The following MACROD2 variants were observed in gnomAD, a reference collection of about 807,000 sequenced individuals.
The protein encoded by MACROD2 is ADP-ribose glycohydrolase MACROD2.
MACROD2 carries 36 observed loss-of-function variants against 70.4 expected under a neutral mutation model. That is an observed-to-expected ratio of 0.51 (90% CI 0.39 to 0.68). MACROD2 has a LOEUF of 0.68. MACROD2 is among the 30% of genes least tolerant of loss of function. The probability of loss-of-function intolerance (pLI) is 0.00; values close to 1 mark genes in which losing one functional copy is unlikely to be tolerated. For synonymous variants in MACROD2, 172 were observed against 178.8 expected, an observed-to-expected ratio of 0.96 and a Z score of 0.30; for missense variants, 496 against 538.4, an observed-to-expected ratio of 0.92 and a Z score of 0.78.
chr20:15,743,647 C>T (rs935192879), intron 8 of MACROD2, among the ~76,000 whole-genome samples: 11 of 152,036 alleles, frequency 7.2e-5, no homozygotes, highest in African/African-American at 2.7e-4. Flanking sequence ...TCCCTCCAGG[C>T]CTCTACACAT....
intron 5 of MACROD2, among the ~76,000 whole-genome samples, chr20:14,990,346 T>C (rs2074890267): frequency 6.6e-6 from 1 of 152,028 alleles, no homozygotes; most frequent in Admixed American, 6.6e-5. Context: ...AGGGTAGTTA[T>C]TTTGGAAGTT....
At chr20:15,845,441 A>C (rs182899444) in intron 8 of MACROD2, among the ~76,000 whole-genome samples, 5 of 152,278 alleles carry the variant, frequency 3.3e-5, no homozygotes, top group Admixed American at 3.3e-4. Context: ...GGCAGGATGA[A>C]GATGTAGAAG....
At chr20:15,250,889 C>T (rs2077149995) in intron 6 of MACROD2, among the ~76,000 whole-genome samples, 1 of 152,170 alleles carries the variant, frequency 6.6e-6, no homozygotes, top group Non-Finnish European at 1.5e-5. Context: ...TATTGCCTAA[C>T]ATGTAGCAGG....
At chr20:14,951,590 G>A in intron 5 of MACROD2, among the ~76,000 whole-genome samples, 1 of 152,136 alleles carries the variant, frequency 6.6e-6, no homozygotes, top group Non-Finnish European at 1.5e-5. Context: ...AGGCACTGCT[G>A]TAGGACTCCG....
At chr20:15,805,457 A>G (rs2063760559) in intron 8 of MACROD2, among the ~76,000 whole-genome samples, 1 of 151,672 alleles carries the variant, frequency 6.6e-6, no homozygotes, top group Non-Finnish European at 1.5e-5. Context: ...AGAGGAGGTT[A>G]AAATGAAAAT....
At chr20:14,913,559 T>A (rs867199300) in intron 5 of MACROD2, among the ~76,000 whole-genome samples, 1 of 152,098 alleles carries the variant, frequency 6.6e-6, no homozygotes, top group African/African-American at 2.4e-5. Flanking sequence ...TGGTGACACA[T>A]GCCTGTAGTC....
At chr20:15,047,443 G>A (rs1162539374) in intron 5 of MACROD2, among the ~76,000 whole-genome samples, 2 of 152,000 alleles carry the variant, frequency 1.3e-5, no homozygotes, top group Admixed American at 6.5e-5. Flanking sequence ...GGACACTTAT[G>A]GAATTATATA....
intron 10 of MACROD2, among the ~76,000 whole-genome samples, chr20:15,925,698 G>C (rs1241034616): frequency 1.3e-5 from 2 of 152,186 alleles, no homozygotes. Context: ...GGAAGGCCCA[G>C]TGGCACCTAC....
chr20:15,846,914 TATATATATATATATATATATATATATATA>T (rs1297245655), intron 8 of MACROD2, among the ~76,000 whole-genome samples: 1,422 of 6,562 alleles, frequency 0.22, 45 homozygotes, highest in East Asian at 0.43. Flanking sequence ...AAAAAAATTA[TATATATATATATATATATATATATATATA>T]TATATATATG....
intron 5 of MACROD2, among the ~76,000 whole-genome samples, chr20:15,133,493 C>T (rs1458713485): frequency 6.6e-6 from 1 of 152,030 alleles, no homozygotes; most frequent in Non-Finnish European, 1.5e-5. Context: ...TTTATACCCA[C>T]ATTGTTTGGC....
chr20:15,624,434 A>G (rs1410975797), intron 8 of MACROD2, among the ~76,000 whole-genome samples: 2 of 152,206 alleles, frequency 1.3e-5, no homozygotes, highest in African/African-American at 4.8e-5. Context: ...TAACCATCAC[A>G]GGAGATAAAT....
intron 13 of MACROD2, among the ~76,000 whole-genome samples, chr20:15,974,712 A>G (rs2066279820): frequency 6.6e-6 from 1 of 152,124 alleles, no homozygotes; most frequent in Non-Finnish European, 1.5e-5. Context: ...CATCCTCTCA[A>G]TTTTGCTGTA....
intron 3 of MACROD2, among the ~76,000 whole-genome samples, chr20:14,103,572 C>G (rs898524807): frequency 2.6e-5 from 4 of 152,036 alleles, no homozygotes; most frequent in Non-Finnish European, 4.4e-5. Flanking sequence ...ACTAGAATAA[C>G]AGAACTTCAT....
At chr20:15,702,962 T>C (rs2050481664) in intron 8 of MACROD2, among the ~76,000 whole-genome samples, 1 of 152,090 alleles carries the variant, frequency 6.6e-6, no homozygotes, top group Admixed American at 6.6e-5. Context: ...TGGAACAGAA[T>C]AGAGAACCCA....
chr20:15,228,487 CTTTTTT>C (rs527508760), intron 5 of MACROD2, among the ~76,000 whole-genome samples: 3 of 118,008 alleles, frequency 2.5e-5, no homozygotes, highest in African/African-American at 6.5e-5. Flanking sequence ...TTCCTTCTTT[CTTTTTT>C]TTTTTTTTTT....
At chr20:15,828,408 C>T (rs2064020414) in intron 8 of MACROD2, among the ~76,000 whole-genome samples, 1 of 152,062 alleles carries the variant, frequency 6.6e-6, no homozygotes. Context: ...TCATATGTTC[C>T]AGAAACACCA....
chr20:14,900,307 C>G (rs1220769458), intron 5 of MACROD2, among the ~76,000 whole-genome samples: 1 of 151,902 alleles, frequency 6.6e-6, no homozygotes. Context: ...TTTTAGTATC[C>G]GAATAATACT....
intron 3 of MACROD2, among the ~76,000 whole-genome samples, chr20:14,443,560 G>A (rs987226792): frequency 6.6e-6 from 1 of 152,078 alleles, no homozygotes; most frequent in Non-Finnish European, 1.5e-5. Context: ...GCCTCCCAAA[G>A]TGCTGGGATT....
intron 1 of MACROD2, chr20:13,996,282 CCT>C (rs1569105780): frequency 5.7e-6 from 1 of 176,048 alleles, no homozygotes; most frequent in East Asian, 1.9e-4. Context: ...CCTTCTCGCC[CCT>C]GTCCCCCCAG....
Sources: allele counts gnomAD v4.1 joint callset (sites outside exome capture counted in the v4.1 genomes callset), GRCh38; gene constraint gnomAD v4.1.1; transcripts MANE v1.5; gene names NCBI Gene and HGNC (gene_info 2026-07-23, HGNC 2026-07-21).